The following LUC7L3 variants were observed in gnomAD, a reference collection of about 807,000 sequenced individuals.
The protein encoded by LUC7L3 is luc7-like protein 3.
A neutral mutation model predicts 66.8 loss-of-function variants in LUC7L3; 6 were observed. That is an observed-to-expected ratio of 0.09 (90% CI 0.05 to 0.18). The LOEUF (loss-of-function observed/expected upper bound fraction) is 0.18. Ranked by LOEUF, LUC7L3 falls within the 10% of genes least tolerant of loss-of-function variation. The pLI is 1.00. For synonymous variants in LUC7L3, 160 were observed against 174.7 expected (o/e 0.92, Z 0.66); for missense variants, 341 against 531.1 (o/e 0.64, Z 3.52).
intron 1 of LUC7L3, among the ~76,000 whole-genome samples, chr17:50,732,905 G>A (rs149654479): frequency 3.9e-5 from 6 of 152,168 alleles, no homozygotes; most frequent in African/African-American, 1.4e-4. Context: ...GGTACCCCTG[G>A]TTCTTTAGCA....
chr17:50,720,387 G>A (rs1968667149), intron 1 of LUC7L3, among the ~76,000 whole-genome samples: 1 of 152,238 alleles, frequency 6.6e-6, no homozygotes, highest in South Asian at 2.1e-4. Flanking sequence ...CCCTTATAGA[G>A]GCAGCTGTCA....
chr17:50,748,482 AT>A (rs68016612), intron 9 of LUC7L3: 42,644 of 141,390 alleles, frequency 0.3, 6,068 homozygotes, highest in Middle Eastern at 0.34. Flanking sequence ...TGCTTGGCTA[AT>A]TTTTTTTTTT....
chr17:50,719,854 T>C (rs1597876727), intron 1 of LUC7L3, 23 bp downstream of exon 1: 3 of 1,260,380 alleles, frequency 2.4e-6, no homozygotes, highest in Non-Finnish European at 3.2e-6. Flanking sequence ...GGCCTTGGCC[T>C]GAGCCCGGGC....
At chr17:50,736,146 T>C (rs1402765614) in intron 1 of LUC7L3, among the ~76,000 whole-genome samples, 2 of 152,094 alleles carry the variant, frequency 1.3e-5, no homozygotes, top group African/African-American at 4.8e-5. Context: ...CAAAAAAATA[T>C]ATAGTAATAA....
At chr17:50,742,364 G>A (rs548118115) in intron 5 of LUC7L3, among the ~76,000 whole-genome samples, 8 of 152,000 alleles carry the variant, frequency 5.3e-5, no homozygotes, top group South Asian at 2.1e-4. Context: ...TTTTGTTGTC[G>A]TTGTTACTGT....
At chr17:50,737,109 T>C in intron 2 of LUC7L3, 83 bp downstream of exon 2, 1 of 945,232 alleles carries the variant, frequency 1.1e-6, no homozygotes, top group Non-Finnish European at 1.6e-6. Context: ...AAAAAACTGA[T>C]TATAATTCTG....
intron 1 of LUC7L3, among the ~76,000 whole-genome samples, chr17:50,727,043 C>G (rs140697105): frequency 5.9e-5 from 9 of 152,122 alleles, no homozygotes; most frequent in African/African-American, 2.2e-4. Context: ...GAGCCGAGAT[C>G]ATGCCACCGC....
intron 5 of LUC7L3, among the ~76,000 whole-genome samples, chr17:50,742,920 C>T (rs1434897356): frequency 6.6e-6 from 1 of 152,122 alleles, no homozygotes; most frequent in East Asian, 1.9e-4. Context: ...CTACATGAGA[C>T]AATATGGGTG....
chr17:50,738,526 A>G (rs1299245016), intron 2 of LUC7L3, among the ~76,000 whole-genome samples: 1 of 152,214 alleles, frequency 6.6e-6, no homozygotes, highest in Non-Finnish European at 1.5e-5. Context: ...TATATTCTTC[A>G]GCAATAATAC....
chr17:50,732,148 G>A (rs560591451), intron 1 of LUC7L3, among the ~76,000 whole-genome samples: 33 of 152,230 alleles, frequency 2.2e-4, no homozygotes, highest in African/African-American at 7.9e-4. Flanking sequence ...CAAAATCATC[G>A]AAATTGTTTT....
intron 1 of LUC7L3, chr17:50,723,659 C>G (rs1056817634): frequency 3.4e-5 from 6 of 178,546 alleles, no homozygotes; most frequent in Non-Finnish European, 6.0e-5. Flanking sequence ...CTGCCCCCCC[C>G]CCTTTTTTTT....
intron 1 of LUC7L3, 124 bp downstream of exon 1, chr17:50,719,955 CG>C (rs898202166): frequency 1.0e-4 from 82 of 818,208 alleles, no homozygotes; most frequent in Admixed American, 1.6e-4. Context: ...GCGTCTGACC[CG>C]GTGCCCATGG....
chr17:50,725,163 A>G (rs1027806634), intron 1 of LUC7L3, among the ~76,000 whole-genome samples: 2 of 100,520 alleles, frequency 2.0e-5, no homozygotes, highest in Admixed American at 8.6e-5. Flanking sequence ...TAATCCTAGC[A>G]CTTTGCGAGG....
Position 50,749,322 on chromosome 17 carries a change from C to CA in LUC7L3, c.1139-1176dup, listed in dbSNP as rs1348907203. The CA allele has an allele frequency of 2.3e-6, 3 of 1,289,150 alleles. No individual in the cohort carries two copies. The African/African-American group carries it at 4.6e-5, about 20-fold the overall frequency. The allele number at this position is 1,289,150 out of a possible 1,614,324, so 79.9% of individuals were successfully genotyped here. A position where few individuals can be genotyped will look rare whatever the true frequency, so the allele number is the denominator to read the frequency against. On this transcript the variant is annotated intron_variant, in intron 9 of 9. Transcript: ENST00000505658. ...GTGCACCGGAGAAGCCCATAAGGCACAAAGGGAGGACTTTCCCACAAGGTC... is the reference window on the plus strand; with the variant it reads ...GTGCACCGGAGAAGCCCATAAGGCACAAAAGGGAGGACTTTCCCACAAGGTC...
intron 1 of LUC7L3, among the ~76,000 whole-genome samples, chr17:50,734,381 G>A (rs1389136547): frequency 1.3e-5 from 2 of 152,068 alleles, no homozygotes; most frequent in East Asian, 3.8e-4. Context: ...TGGTCATGCT[G>A]GTCTCAAACT....
chr17:50,752,333 T>C lies in LUC7L3; in HGVS notation c.*1672T>C. On this transcript the variant is annotated 3_prime_UTR_variant, in exon 10 of 10. Transcript: ENST00000505658. ...AGCTCAGTTAGTTTTTTTATTATTA[T>C]TATTATTAAAAGTTAATTCAGGACT... 2 of 780,154 alleles carry C rather than the reference T, an allele frequency of 2.6e-6. No individual in the cohort carries two copies. Among genetic ancestry groups the C allele is most frequent in the South Asian group, 3.6e-5 (2 of 55,816 alleles). The allele number at this position is 780,154 out of a possible 1,614,324, so 48.3% of individuals were successfully genotyped here.
At position 50,751,216 on chromosome 17, in the gene LUC7L3, T is replaced by A. The variant is rs1970962538; in HGVS notation, c.*555T>A. 1 of 1,433,248 alleles carries A rather than the reference T, an allele frequency of 7.0e-7. No individual in the cohort carries two copies. Among genetic ancestry groups the A allele is most frequent in the Non-Finnish European group, 9.2e-7 (1 of 1,082,722 alleles). The allele number at this position is 1,433,248 out of a possible 1,614,324, so 88.8% of individuals were successfully genotyped here. A position where few individuals can be genotyped will look rare whatever the true frequency, so the allele number is the denominator to read the frequency against. On this transcript the variant is annotated 3_prime_UTR_variant, in exon 10 of 10. Coordinates refer to ENST00000505658, the MANE Select transcript of LUC7L3 (RefSeq NM_016424.5). ...TTGCATTCTAATGCAGTTTGTTCTG[T>A]AACTCGAGAGCCAGTAGCATTGGAT... is the stretch of plus-strand genomic sequence containing the variant.
rs1472866346 is a variant in LUC7L3 at position 50,719,842 on chromosome 17, C to G, written c.99+11C>G. ...TGGGACCACGAGAGCGTAAGTCCCG[C>G]GGGCCTTGGCCTGAGCCCGGGCTCC... On this transcript the variant is annotated intron_variant, in intron 1 of 9. Transcript: ENST00000505658. 1 of 1,452,516 alleles carries G rather than the reference C, an allele frequency of 6.9e-7. No homozygotes were observed. The highest frequency in any genetic ancestry group is 9.0e-7 in the Non-Finnish European group (1 of 1,107,634). The allele number at this position is 1,452,516 out of a possible 1,614,324, so 90.0% of individuals were successfully genotyped here.
intron 1 of LUC7L3, among the ~76,000 whole-genome samples, chr17:50,726,734 T>C (rs1254698692): frequency 6.6e-6 from 1 of 152,168 alleles, no homozygotes; most frequent in East Asian, 1.9e-4. Context: ...TCTAGCTTAC[T>C]TATAGTTATT....
Sources: gnomAD v4.1 joint callset for allele counts (sites outside exome capture counted in the v4.1 genomes callset) on GRCh38, gnomAD v4.1.1 for gene constraint, MANE v1.5 for transcripts, NCBI Gene and HGNC (gene_info 2026-07-23, HGNC 2026-07-21) for gene names.